The following USP39 variants were observed in gnomAD, a reference collection of about 807,000 sequenced individuals.
USP39 encodes ubiquitin carboxyl-terminal hydrolase 39.
A neutral mutation model predicts 66.4 loss-of-function variants in USP39; 38 were observed. The observed-to-expected ratio is 0.57, with a 90% CI of 0.44 to 0.75. The LOEUF is 0.75. Among genes scored for constraint, USP39 ranks in the 30% least tolerant of loss-of-function variants. The pLI, the probability that USP39 is intolerant of heterozygous loss-of-function variation, is 0.00. For missense variants in USP39, 608 were observed against 714.4 expected, an observed-to-expected ratio of 0.85 and a Z score of 1.70; for synonymous variants, 303 against 274.6, an observed-to-expected ratio of 1.10 and a Z score of -1.02.
chr2:85,611,754 G>C, upstream of USP39: 1 of 1,611,928 alleles, frequency 6.2e-7, no homozygotes, highest in African/African-American at 1.3e-5. Flanking sequence ...CTTCTCCTTG[G>C]CCGCCTGCTT....
intron 6 of USP39, among the ~76,000 whole-genome samples, chr2:85,631,250 T>TGA (rs1254002906): frequency 1.3e-5 from 2 of 151,672 alleles, no homozygotes; most frequent in Non-Finnish European, 2.9e-5. Flanking sequence ...CCTGACCTCT[T>TGA]GATCCACCCT....
intron 11 of USP39, among the ~76,000 whole-genome samples, chr2:85,645,435 C>T (rs57789237): frequency 0.069 from 10,442 of 152,192 alleles, 1,215 homozygotes; most frequent in African/African-American, 0.24. Context: ...AGGCGCCCAT[C>T]ACCACGCCCG....
In USP39 at chr2:85,625,017, A is replaced by G. The variant is rs556450510; in HGVS notation, c.571-522A>G. On this transcript the variant is annotated intron_variant, in intron 4 of 12. Transcript: ENST00000323701. ...TTTATAGAGGGAAAAACTGGGCTAA[A>G]TTCAGTGTTTCAAAGTGAGTTTGCG... is the stretch of plus-strand genomic sequence containing the variant. Among the ~76,000 whole-genome samples the G allele has an allele frequency of 4.6e-5, 7 of 152,228 alleles. No homozygotes were observed. The East Asian group carries it at 1.4e-3, about 29-fold the overall frequency.
At chr2:85,621,839 T>A (rs912468582) in intron 3 of USP39, among the ~76,000 whole-genome samples, 3 of 148,160 alleles carry the variant, frequency 2.0e-5, no homozygotes, top group African/African-American at 7.6e-5. Flanking sequence ...ATATGTATTT[T>A]TTTAATTTTT....
At chr2:85,629,334 T>C (rs1487343674) in intron 5 of USP39, among the ~76,000 whole-genome samples, 4 of 151,812 alleles carry the variant, frequency 2.6e-5, no homozygotes, top group Non-Finnish European at 5.9e-5. Flanking sequence ...GTGCTGGGAT[T>C]ATAGACGTGA....
At chr2:85,624,880 T>G (rs894963581) in intron 4 of USP39, among the ~76,000 whole-genome samples, 10 of 151,704 alleles carry the variant, frequency 6.6e-5, no homozygotes, top group Non-Finnish European at 1.3e-4. Flanking sequence ...GGAGAGTTGC[T>G]TGAATCTGGG....
upstream of USP39, chr2:85,611,422 C>T: frequency 1.3e-6 from 2 of 1,512,958 alleles, no homozygotes; most frequent in Admixed American, 2.2e-5. Context: ...TGGGGCAAAC[C>T]GGCAGATAAA....
At chr2:85,623,920 G>A in intron 4 of USP39, 138 bp downstream of exon 4, 1 of 981,304 alleles carries the variant, frequency 1.0e-6, no homozygotes, top group Non-Finnish European at 1.5e-6. Flanking sequence ...CTTTTGGGAA[G>A]AACTGGGGAA....
At chr2:85,639,440 G>A (rs773115901) in intron 9 of USP39, 49 bp downstream of exon 9, 3 of 1,424,198 alleles carry the variant, frequency 2.1e-6, no homozygotes, top group South Asian at 1.4e-5. Context: ...TCGCTCTCTC[G>A]ACTTTTTCAT....
At chr2:85,624,399 G>T (rs954670684) in intron 4 of USP39, among the ~76,000 whole-genome samples, 6 of 151,906 alleles carry the variant, frequency 3.9e-5, no homozygotes, top group Non-Finnish European at 7.4e-5. Context: ...AGGCTGGAGT[G>T]CAGTGGTGCC....
intron 5 of USP39, among the ~76,000 whole-genome samples, chr2:85,626,176 A>G (rs1048592593): frequency 1.3e-5 from 2 of 152,156 alleles, no homozygotes; most frequent in African/African-American, 2.4e-5. Context: ...CTTGGCCAAC[A>G]TGGAGAAACC....
At chr2:85,621,671 C>G (rs1444305586) in intron 3 of USP39, 92 bp downstream of exon 3, 2 of 950,804 alleles carry the variant, frequency 2.1e-6, no homozygotes, top group Non-Finnish European at 3.2e-6. Context: ...GGAATCATAT[C>G]TAATAATTTC....
At chr2:85,630,695 G>T (rs1473294732) in intron 5 of USP39, 26 bp from the exon 6 acceptor site, 1 of 1,608,778 alleles carries the variant, frequency 6.2e-7, no homozygotes, top group African/African-American at 1.3e-5. Flanking sequence ...AGGGGCTTTG[G>T]GTTAATCGGA....
chr2:85,603,626 C>G (rs1469768520), intron 1 of USP39, among the ~76,000 whole-genome samples: 1 of 147,898 alleles, frequency 6.8e-6, no homozygotes, highest in Admixed American at 6.8e-5. Flanking sequence ...GAGTCTCGCT[C>G]TGTCGCCCAG....
In USP39 at chr2:85,625,597, A is replaced by G. The variant is rs769278917; in HGVS notation, c.629A>G (p.Lys210Arg). The stretch of plus-strand genomic sequence containing the variant: ...ATTGCAAACTTGGACAAGCAAGCCA[A>G]ATTGTCCCGGGCATATGATGGTACC... ...QQIANLDKQA[K>R]LSRAYDGTTY... Residue 210 changes from lysine (K) to arginine (R), a missense_variant, in exon 5 of 13, where the codon AAA (lysine) becomes AGA (arginine). Physicochemically the swap from Lys to Arg is conservative, Grantham distance 26. This residue lies in a region of USP39 where 115 missense variants were observed against 198.6 expected (regional missense o/e 0.58). Transcript: ENST00000323701. The G allele has an allele frequency of 2.5e-6, 4 of 1,614,162 alleles. No homozygotes were observed. The highest frequency in any genetic ancestry group is 2.2e-5 in the South Asian group (2 of 91,088).
At chr2:85,626,486 C>T (rs1189909349) in intron 5 of USP39, among the ~76,000 whole-genome samples, 1 of 152,232 alleles carries the variant, frequency 6.6e-6, no homozygotes, top group African/African-American at 2.4e-5. Context: ...GCTCACTGGG[C>T]TGCTGTCAAA....
At chr2:85,645,459 T>C (rs1436080178) in intron 11 of USP39, among the ~76,000 whole-genome samples, 1 of 152,082 alleles carries the variant, frequency 6.6e-6, no homozygotes, top group Non-Finnish European at 1.5e-5. Flanking sequence ...AATTTTTGTA[T>C]TTTTAGTAGA....
rs1048053283 is a variant in USP39, at chr2:85,621,649, A to G, written c.433+70A>G. On this transcript the variant is annotated intron_variant, in intron 3 of 12. Transcript: ENST00000323701. ...CTTTTTTTTTTTTTTTAAAGAAAGT[A>G]AGCTGTTCTCAGGAATCATATCTAA... The G allele has an allele frequency of 1.0e-5, 12 of 1,203,256 alleles. No homozygotes were observed. The Middle Eastern group carries it at 1.2e-3, about 117-fold the overall frequency. 74.5% of individuals were successfully genotyped at this position (1,203,256 alleles called of 1,614,324 possible).
intron 9 of USP39, 146 bp downstream of exon 9, chr2:85,639,537 C>A: frequency 4.0e-6 from 3 of 745,970 alleles, no homozygotes; most frequent in Non-Finnish European, 6.1e-6. Context: ...TGACTGCAAT[C>A]TCTACCTCCC....
Sources: allele counts gnomAD v4.1 joint callset (sites outside exome capture counted in the v4.1 genomes callset), GRCh38; gene constraint gnomAD v4.1.1; regional missense constraint gnomAD v4.1.1; transcripts MANE v1.5; gene names NCBI Gene and HGNC (gene_info 2026-07-23, HGNC 2026-07-21).